The following METTL15 variants were observed in gnomAD, a reference collection of about 807,000 sequenced individuals.
The protein encoded by METTL15 is methyltransferase 15, mitochondrial 12S rRNA N4-cytidine.
Under a neutral mutation model 38.3 loss-of-function variants are expected in METTL15, and 34 were observed. The ratio of observed to expected loss-of-function variants is 0.89; its 90% CI spans 0.68 to 1.18. The LOEUF (loss-of-function observed/expected upper bound fraction) is 1.18, where lower values mean the gene tolerates loss of function less well. Among genes scored for constraint, METTL15 ranks in the 50% most tolerant of loss-of-function variants. The pLI, the probability that METTL15 is intolerant of heterozygous loss-of-function variation, is 0.00. For missense variants in METTL15, 438 were observed against 498.4 expected (o/e 0.88, Z 1.15); for synonymous variants, 162 against 170.9 (o/e 0.95, Z 0.41).
In METTL15 at chr11:28,342,689, C is replaced by T. The variant is rs185314528; in HGVS notation, c.*190-9401C>T. 9.4e-4 allele frequency among the ~76,000 whole-genome samples: 143 copies of T among 152,256 alleles called. 1 individual carries two copies. The East Asian group carries it at 0.01, about 11-fold the overall frequency. ...TCAATAACAGGTTTAGAATAGATGA[C>T]TTTTAAGGCTTCTTTCATCTGAATG... On this transcript the variant is annotated intron_variant and NMD_transcript_variant, in intron 3 of 7. Transcript: ENST00000532947.
chr11:28,314,359 T>C (rs1443889705), intron 6 of METTL15, among the ~76,000 whole-genome samples: 5 of 152,290 alleles, frequency 3.3e-5, no homozygotes, highest in Admixed American at 6.5e-5. Context: ...TGATTATGAG[T>C]ATGTGCTGAT....
intron 6 of METTL15, among the ~76,000 whole-genome samples, chr11:28,427,188 G>C (rs972502312): frequency 2.5e-4 from 38 of 152,264 alleles, no homozygotes; most frequent in African/African-American, 9.1e-4. Context: ...TTATTAAATA[G>C]GGAATTATTT....
chr11:28,374,175 A>G (rs543526048), intron 5 of METTL15, among the ~76,000 whole-genome samples: 1 of 152,184 alleles, frequency 6.6e-6, no homozygotes, highest in South Asian at 2.1e-4. Flanking sequence ...GTATGAACTT[A>G]AAGTAGTTTT....
At chr11:28,435,456 T>C (rs1478472095) in intron 6 of METTL15, among the ~76,000 whole-genome samples, 1 of 152,206 alleles carries the variant, frequency 6.6e-6, no homozygotes, top group Non-Finnish European at 1.5e-5. Context: ...TGGGAAATGT[T>C]CTTTGATTCG....
At chr11:28,430,288 C>A (rs1342720483) in intron 6 of METTL15, among the ~76,000 whole-genome samples, 2 of 141,944 alleles carry the variant, frequency 1.4e-5, no homozygotes, top group Non-Finnish European at 1.6e-5. Context: ...GGGGTCAGCC[C>A]CCCCGCCCGG....
chr11:28,124,243 C>T (rs562214158), intron 3 of METTL15, among the ~76,000 whole-genome samples: 2 of 152,212 alleles, frequency 1.3e-5, no homozygotes, highest in South Asian at 4.1e-4. Flanking sequence ...CCTAGAAGAT[C>T]TTCAGAGCTT....
chr11:28,173,021 A>G (rs185760548), intron 3 of METTL15, among the ~76,000 whole-genome samples: 7 of 152,314 alleles, frequency 4.6e-5, no homozygotes, highest in Admixed American at 3.9e-4. Flanking sequence ...AAACTCTTAT[A>G]AAGAGGTTTG....
At chr11:28,154,340 A>G (rs1182521972) in intron 3 of METTL15, among the ~76,000 whole-genome samples, 1 of 152,084 alleles carries the variant, frequency 6.6e-6, no homozygotes, top group East Asian at 1.9e-4. Context: ...ATAGGGTAGT[A>G]AATTCTTGGT....
intron 4 of METTL15, chr11:28,287,217 T>C (rs1856312880): frequency 4.6e-6 from 1 of 217,836 alleles, no homozygotes; most frequent in South Asian, 5.4e-5. Flanking sequence ...ATTTTATTTG[T>C]AAATTTGTAT....
chr11:28,517,269 G>A (rs1028915710), intron 6 of METTL15: 10 of 152,028 alleles, frequency 6.6e-5, no homozygotes, highest in Non-Finnish European at 1.2e-4. Flanking sequence ...GCTAAGGAGA[G>A]GGAATCACTC....
At chr11:28,391,422 G>A (rs11493474) in intron 5 of METTL15, among the ~76,000 whole-genome samples, 64,200 of 151,824 alleles carry the variant, frequency 0.42, 14,970 homozygotes, top group Admixed American at 0.54. Context: ...CTATTTTATT[G>A]AGAGTTTTTA....
At chr11:28,413,070 T>C (rs1449345874) in intron 5 of METTL15, among the ~76,000 whole-genome samples, 1 of 152,038 alleles carries the variant, frequency 6.6e-6, no homozygotes, top group East Asian at 1.9e-4. Flanking sequence ...CATTAAAAGT[T>C]TTTTTAGAAC....
intron 6 of METTL15, among the ~76,000 whole-genome samples, chr11:28,491,208 G>A (rs1851491879): frequency 1.3e-5 from 2 of 152,130 alleles, no homozygotes; most frequent in African/African-American, 4.8e-5. Context: ...ACATAGAGTG[G>A]AAGGAGTTGC....
intron 5 of METTL15, among the ~76,000 whole-genome samples, chr11:28,388,823 C>T (rs1443962607): frequency 6.6e-6 from 1 of 151,840 alleles, no homozygotes; most frequent in Non-Finnish European, 1.5e-5. Flanking sequence ...TAATGCTATC[C>T]CTCCCCCCTA....
chr11:28,298,119 GT>G (rs1856800713), intron 6 of METTL15, among the ~76,000 whole-genome samples: 1 of 151,916 alleles, frequency 6.6e-6, no homozygotes, highest in African/African-American at 2.4e-5. Flanking sequence ...CAGAATTCTT[GT>G]GGTTATATGA....
chr11:28,233,708 T>C (rs1853794710), intron 4 of METTL15, among the ~76,000 whole-genome samples: 1 of 152,114 alleles, frequency 6.6e-6, no homozygotes, highest in Admixed American at 6.6e-5. Context: ...CATCCAAGTA[T>C]AAATACATGA....
chr11:28,505,517 A>G (rs1851621232), intron 6 of METTL15, among the ~76,000 whole-genome samples: 2 of 152,174 alleles, frequency 1.3e-5, no homozygotes, highest in Non-Finnish European at 1.5e-5. Context: ...CCATTTCCCA[A>G]TCCTCACAGG....
At chr11:28,264,142 G>A (rs1855318327) in intron 4 of METTL15, among the ~76,000 whole-genome samples, 1 of 152,058 alleles carries the variant, frequency 6.6e-6, no homozygotes, top group African/African-American at 2.4e-5. Context: ...GATTCACATT[G>A]TGGAAAGAAA....
intron 6 of METTL15, among the ~76,000 whole-genome samples, chr11:28,515,800 G>A (rs903095052): frequency 2.6e-5 from 4 of 152,186 alleles, no homozygotes; most frequent in Non-Finnish European, 1.5e-5. Flanking sequence ...CTTGGATCAG[G>A]CAAGACACAT....
Sources: allele counts gnomAD v4.1 joint callset (sites outside exome capture counted in the v4.1 genomes callset), GRCh38; gene constraint gnomAD v4.1.1; transcripts MANE v1.5; gene names NCBI Gene and HGNC (gene_info 2026-07-23, HGNC 2026-07-21).